Variants in PIP5KL1 observed in about 807,000 individuals in gnomAD.
PIP5KL1 encodes phosphatidylinositol-4-phosphate 5-kinase like 1.
PIP5KL1 carries 45 observed loss-of-function variants against 47.6 expected under a neutral mutation model. That is an observed-to-expected ratio of 0.94 (90% CI 0.74 to 1.21). The LOEUF (loss-of-function observed/expected upper bound fraction) is 1.21. Ranked by LOEUF, PIP5KL1 falls within the 50% of genes most tolerant of loss-of-function variation. The probability of loss-of-function intolerance (pLI) is 0.00; values close to 1 mark genes in which losing one functional copy is unlikely to be tolerated. For synonymous variants in PIP5KL1, 256 were observed against 234.6 expected, an observed-to-expected ratio of 1.09 and a Z score of -0.84; for missense variants, 577 against 547.6, an observed-to-expected ratio of 1.05 and a Z score of -0.54.
chr9:127,922,291 A>C (rs1380009935), intron 9 of PIP5KL1, among the ~76,000 whole-genome samples, 177 bp from the exon 10 acceptor site: 1 of 150,730 alleles, frequency 6.6e-6, no homozygotes, highest in East Asian at 1.9e-4. Context: ...CTAGAGGTGC[A>C]CTGTTCAGTA....
Position 127,921,894 on chromosome 9 carries a change from G to C in PIP5KL1, c.1138C>G (p.Arg380Gly). 1 of 1,574,034 alleles carries C rather than the reference G, an allele frequency of 6.4e-7. No individual in the cohort carries two copies. The highest frequency in any genetic ancestry group is 8.6e-7 in the Non-Finnish European group (1 of 1,163,630). ...GRTFSTVSPA[R>G]YARRLCQWVE... is the part of the protein sequence containing the mutation. Reference sequence around the variant, plus strand: ...CACTGGCAGAGGCGACGGGCGTAGCGAGCCGGGCTGACAGTGGAGAAGGTC... The same window carrying C: ...CACTGGCAGAGGCGACGGGCGTAGCCAGCCGGGCTGACAGTGGAGAAGGTC... The change falls in exon 10 of 10, where the codon CGC becomes GGC. Residue 380 changes from arginine (R) to glycine (G), a missense_variant. Coordinates refer to ENST00000388747, the MANE Select transcript of PIP5KL1 (RefSeq NM_001135219.2).
intron 9 of PIP5KL1, among the ~76,000 whole-genome samples, chr9:127,922,316 G>A (rs1831294923): frequency 1.1e-5 from 1 of 91,024 alleles, no homozygotes; most frequent in Admixed American, 1.3e-4. Context: ...TTGGCCACAG[G>A]TGGCCACTGA....
chr9:127,930,024 T>C, intron 1 of PIP5KL1, 139 bp from the exon 2 acceptor site: 2 of 868,720 alleles, frequency 2.3e-6, no homozygotes, highest in Non-Finnish European at 3.4e-6. Context: ...AAAATAGAGA[T>C]GATGCTGGTA....
intron 1 of PIP5KL1, among the ~76,000 whole-genome samples, chr9:127,930,137 C>G (rs1831416573): frequency 6.6e-6 from 1 of 152,184 alleles, no homozygotes; most frequent in Non-Finnish European, 1.5e-5. Flanking sequence ...CAAACCTGGC[C>G]TTAGATGGAC....
At chr9:127,928,612 C>T in intron 2 of PIP5KL1, 129 bp from the exon 3 acceptor site, 1 of 1,058,294 alleles carries the variant, frequency 9.4e-7, no homozygotes, top group East Asian at 2.6e-5. Context: ...AAACCGGGAC[C>T]GGAGTTTCTG....
In PIP5KL1 at chr9:127,928,224, A is replaced by G. The variant is rs1831391960; in HGVS notation, c.280-5T>C. Reference sequence around the variant, plus strand: ...CAGCGTGCCCAGCTCGAAGCCCTGCAGGGGAGGAAGAGCCTCCTCTGGAGT... The same window carrying G: ...CAGCGTGCCCAGCTCGAAGCCCTGCGGGGGAGGAAGAGCCTCCTCTGGAGT... On this transcript the variant is annotated splice_polypyrimidine_tract_variant and splice_region_variant and intron_variant, in intron 3 of 9. Coordinates refer to ENST00000388747, the MANE Select transcript of PIP5KL1 (RefSeq NM_001135219.2). The G allele has an allele frequency of 6.5e-7, 1 of 1,533,318 alleles. No individual in the cohort carries two copies. The highest frequency in any genetic ancestry group is 8.8e-7 in the Non-Finnish European group (1 of 1,140,442). The allele number at this position is 1,533,318 out of a possible 1,614,324, so 95.0% of individuals were successfully genotyped here.
At chr9:127,925,757 C>A in intron 8 of PIP5KL1, 110 bp downstream of exon 8, 1 of 954,292 alleles carries the variant, frequency 1.0e-6, no homozygotes, top group Non-Finnish European at 1.7e-6. Flanking sequence ...AGCCACGGCG[C>A]CCGGCCGAAT....
intron 9 of PIP5KL1, among the ~76,000 whole-genome samples, chr9:127,924,423 G>A (rs539249533): frequency 1.1e-4 from 16 of 151,574 alleles, no homozygotes; most frequent in Middle Eastern, 3.2e-3. Context: ...CCCGAGAGGC[G>A]GAGGTTGTAG....
intron 9 of PIP5KL1, 131 bp downstream of exon 9, chr9:127,924,966 GCACACACACA>G: frequency 9.4e-7 from 1 of 1,069,400 alleles, no homozygotes; most frequent in Non-Finnish European, 1.3e-6. Context: ...GCGCGCACAC[GCACACACACA>G]CACAAACTCT....
intron 9 of PIP5KL1, among the ~76,000 whole-genome samples, chr9:127,924,027 C>T (rs1054537023): frequency 1.3e-5 from 2 of 152,196 alleles, no homozygotes; most frequent in African/African-American, 2.4e-5. Flanking sequence ...ATGACGTCAG[C>T]GTCCTGGAAG....
At position 127,930,013 on chromosome 9, in the gene PIP5KL1, T is replaced by C. The variant is rs918218876; in HGVS notation, c.31-128A>G. 32 of 942,764 alleles carry C rather than the reference T, an allele frequency of 3.4e-5. No individual in the cohort carries two copies. The South Asian group carries it at 5.3e-4, about 15-fold the overall frequency. The allele number at this position is 942,764 out of a possible 1,614,324, so 58.4% of individuals were successfully genotyped here. The stretch of plus-strand genomic sequence containing the variant: ...CTCTCTGCCTCAATTTCTTCAGCTG[T>C]AAAATAGAGATGATGCTGGTACCCA... On this transcript the variant is annotated intron_variant, in intron 1 of 9. Coordinates refer to ENST00000388747, the MANE Select transcript of PIP5KL1 (RefSeq NM_001135219.2).
rs1164706754 is a variant in PIP5KL1 at position 127,925,187 on chromosome 9, A to T, written c.837T>A (p.Asp279Glu). Residue 279 changes from aspartate to glutamate, a missense_variant, in exon 9 of 10, where the codon GAT becomes GAA. Transcript: ENST00000388747. ...GTTGGAAGGCTATCAGGAGGCTGTA[A>T]TCCAGCACGTTGAGCTCCCGGAGGA... is the stretch of plus-strand genomic sequence containing the variant. Reference protein sequence around the residue: ...TTFLRELNVLDYSLLIAFQRL... With the variant: ...TTFLRELNVLEYSLLIAFQRL... 2 of 1,614,084 alleles carry T rather than the reference A, an allele frequency of 1.2e-6. No homozygotes were observed. Among genetic ancestry groups the T allele is most frequent in the Non-Finnish European group, 1.7e-6 (2 of 1,180,036 alleles).
chr9:127,928,231 G>T lies in PIP5KL1; in HGVS notation c.280-12C>A, dbSNP rs555345089. The T allele has an allele frequency of 2.2e-4, 333 of 1,532,350 alleles. No individual in the cohort carries two copies. Among genetic ancestry groups the T allele is most frequent in the Non-Finnish European group, 2.7e-4 (305 of 1,139,980 alleles). The allele number at this position is 1,532,350 out of a possible 1,614,324, so 94.9% of individuals were successfully genotyped here. ...CCCAGCTCGAAGCCCTGCAGGGGAG[G>T]AAGAGCCTCCTCTGGAGTGTCTGCG... On this transcript the variant is annotated splice_polypyrimidine_tract_variant and intron_variant, in intron 3 of 9. Transcript: ENST00000388747.
At chr9:127,923,723 C>G (rs1445037841) in intron 9 of PIP5KL1, among the ~76,000 whole-genome samples, 1 of 152,222 alleles carries the variant, frequency 6.6e-6, no homozygotes, top group South Asian at 2.1e-4. Flanking sequence ...GGCTGGACCT[C>G]CTCTTTCACT....
At position 127,929,818 on chromosome 9, in the gene PIP5KL1, C is replaced by T. The variant is rs1285289036; in HGVS notation, c.98G>A (p.Arg33His). Reference sequence around the variant, plus strand: ...CAGGCGAGACTGCTTGTCTCGGAGGCGCCAGAGAAGCCCCCGCCGGCTGGA... The same window carrying T: ...CAGGCGAGACTGCTTGTCTCGGAGGTGCCAGAGAAGCCCCCGCCGGCTGGA... ...VTSSRRGLLW[R>H]LRDKQSRLGL... The change falls in exon 2 of 10, where the codon CGC (arginine) becomes CAC (histidine). Residue 33 changes from arginine to histidine, a missense_variant. By Grantham distance (29) the Arg-to-His change is conservative. Transcript: ENST00000388747. The surrounding 1 kb of genome is among the most constrained non-coding windows in gnomAD (Gnocchi z 4.0). 1 of 1,549,808 alleles carries T rather than the reference C, an allele frequency of 6.5e-7. No individual in the cohort carries two copies. The highest frequency in any genetic ancestry group is 8.7e-7 in the Non-Finnish European group (1 of 1,147,420).
rs540857884 is a variant in PIP5KL1, at chr9:127,924,919, C to T, written c.917+188G>A. 1.4e-3 allele frequency among the ~76,000 whole-genome samples: 219 copies of T among 152,104 alleles called. 1 individual carries two copies. The highest frequency in any genetic ancestry group is 5.0e-3 in the African/African-American group (209 of 41,512). ...ATGCACACCCACACACATGCACGCA[C>T]ACACACGCATGCATGCACTCACACA... On this transcript the variant is annotated intron_variant, in intron 9 of 9. Transcript: ENST00000388747.
Position 127,925,217 on chromosome 9 carries a change from G to A in PIP5KL1, c.807C>T (p.Thr269=). The change falls in exon 9 of 10, where the codon ACC becomes ACT. Residue 269 remains threonine (T), a synonymous_variant. Transcript: ENST00000388747. ...SWFLRQMELD[T]TFLRELNVLD... is the part of the protein sequence containing the mutation. ...GCACGTTGAGCTCCCGGAGGAAGGT[G>A]GTATCCAGTTCCATCTGGCGGAGGA... The A allele has an allele frequency of 6.2e-7, 1 of 1,613,972 alleles. No individual in the cohort carries two copies. Among genetic ancestry groups the A allele is most frequent in the Non-Finnish European group, 8.5e-7 (1 of 1,180,046 alleles).
At position 127,927,835 on chromosome 9, in the gene PIP5KL1, C is replaced by T; in HGVS notation, c.435-63G>A. The T allele has an allele frequency of 6.6e-7, 1 of 1,518,872 alleles. No individual in the cohort carries two copies. The highest frequency in any genetic ancestry group is 8.8e-7 in the Non-Finnish European group (1 of 1,139,490). 94.1% of individuals were successfully genotyped at this position (1,518,872 alleles called of 1,614,324 possible). ...GCTGGAGCGGCTCCCACCCGGCCCC[C>T]TTCCCCGACCTGTGCACGTGGATCT... is the stretch of plus-strand genomic sequence containing the variant. On this transcript the variant is annotated intron_variant, in intron 4 of 9. Transcript: ENST00000388747. The surrounding 1 kb of genome is among the most constrained non-coding windows in gnomAD (Gnocchi z 5.5).
At position 127,925,157 on chromosome 9, in the gene PIP5KL1, G is replaced by A; in HGVS notation, c.867C>T (p.Leu289=). The change falls in exon 9 of 10, where the codon CTC becomes CTT. Residue 289 remains leucine, a synonymous_variant. Coordinates refer to ENST00000388747, the MANE Select transcript of PIP5KL1 (RefSeq NM_001135219.2). The part of the protein sequence containing the change: ...DYSLLIAFQR[L]HEDERGPGSS... ...TGCCCGGGCCCCTCTCATCCTCGTG[G>A]AGACGTTGGAAGGCTATCAGGAGGC... 2 of 1,614,160 alleles carry A rather than the reference G, an allele frequency of 1.2e-6. No homozygotes were observed. Among genetic ancestry groups the A allele is most frequent in the Non-Finnish European group, 1.7e-6 (2 of 1,180,042 alleles).
Sources: gnomAD v4.1 joint callset for allele counts (sites outside exome capture counted in the v4.1 genomes callset) on GRCh38, gnomAD v4.1.1 for gene constraint, Gnocchi (gnomAD v3.1) non-coding constraint, MANE v1.5 for transcripts, NCBI Gene and HGNC (gene_info 2026-07-23, HGNC 2026-07-21) for gene names.